Variants in GBP1 observed in about 807,000 individuals in gnomAD.
The protein encoded by GBP1 is guanylate binding protein 1, also known as guanylate-binding protein 1.
A neutral mutation model predicts 69.5 loss-of-function variants in GBP1; 64 were observed. The ratio of observed to expected loss-of-function variants is 0.92; its 90% CI spans 0.75 to 1.13. The LOEUF (loss-of-function observed/expected upper bound fraction) is 1.13. Among genes scored for constraint, GBP1 ranks in the 50% most tolerant of loss-of-function variants. The pLI, the probability that GBP1 is intolerant of heterozygous loss-of-function variation, is 0.00. For missense variants in GBP1, 630 were observed against 704.1 expected (o/e 0.89, Z 1.19); for synonymous variants, 250 against 261.2 (o/e 0.96, Z 0.41).
Position 89,063,237 on chromosome 1 carries a change from C to A in GBP1, c.-3G>T. The A allele has an allele frequency of 6.2e-7, 1 of 1,613,476 alleles. No homozygotes were observed. ...GTCATGTGGATCTCTGATGCCATGT[C>A]CAGGCTGTTCCCTTGTCTGCAAGAG... On this transcript the variant is annotated 5_prime_UTR_variant, in exon 2 of 11. Coordinates refer to ENST00000370473, the MANE Select transcript of GBP1 (RefSeq NM_002053.3).
chr1:89,056,923 T>C lies in GBP1; in HGVS notation c.1086A>G (p.Arg362=), dbSNP rs145278175. 1.0e-4 allele frequency: 162 copies of C among 1,614,260 alleles called. No homozygotes were observed. In the East Asian group the frequency reaches 2.3e-3, roughly 23 times the overall value. ...TCCTGATGAAGACTTCAATGGCCTC[T>C]CTCTCACTGTCCCTGTGCAGGTCCA... ...ELLDLHRDSE[R]EAIEVFIRSS... The change falls in exon 7 of 11, where the codon AGA becomes AGG. Residue 362 remains arginine (R), a synonymous_variant. Coordinates refer to ENST00000370473, the MANE Select transcript of GBP1 (RefSeq NM_002053.3).
In GBP1 at chr1:89,053,599, T is replaced by C. The variant is rs532016909; in HGVS notation, c.1666-131A>G. On this transcript the variant is annotated intron_variant, in intron 10 of 10. Coordinates refer to ENST00000370473, the MANE Select transcript of GBP1 (RefSeq NM_002053.3). Reference sequence around the variant, plus strand: ...CACGCAAGACGTAAATGTCATACTTTGGCCTATCATTGACCAAAGCACAGC... The same window carrying C: ...CACGCAAGACGTAAATGTCATACTTCGGCCTATCATTGACCAAAGCACAGC... 4.3e-6 allele frequency: 6 copies of C among 1,407,562 alleles called. No individual in the cohort carries two copies. In the Admixed American group the frequency reaches 1.4e-4, roughly 32 times the overall value. The allele number at this position is 1,407,562 out of a possible 1,614,324, so 87.2% of individuals were successfully genotyped here.
rs1039835070 is a variant in GBP1, at chr1:89,058,875, A to C, written c.597T>G (p.Asp199Glu). Residue 199 changes from aspartate (D) to glutamate (E), a missense_variant, in exon 5 of 11, where the codon GAT (aspartate) becomes GAG (glutamate). Physicochemically the swap from Asp to Glu is conservative, Grantham distance 45. Transcript: ENST00000370473. ...LEADGQPLTP[D>E]EYLTYSLKLK... ...GCTTCAGGGAGTATGTCAGGTACTC[A>C]TCTGGTGTGAGGGGTTGTCCATCTG... The C allele has an allele frequency of 3.7e-6, 6 of 1,614,068 alleles. No individual in the cohort carries two copies. In the African/African-American group the frequency reaches 8.0e-5, roughly 22 times the overall value.
At chr1:89,053,897 C>A (rs1024202581) in intron 10 of GBP1, among the ~76,000 whole-genome samples, 2 of 152,144 alleles carry the variant, frequency 1.3e-5, no homozygotes, top group Non-Finnish European at 2.9e-5. Flanking sequence ...GGGTTAGGAG[C>A]CTTTCTGCTC....
chr1:89,059,898 T>C (rs1352555967), intron 3 of GBP1, among the ~76,000 whole-genome samples: 1 of 152,236 alleles, frequency 6.6e-6, no homozygotes, highest in Admixed American at 6.5e-5. Flanking sequence ...ATAGGTCTTT[T>C]CCATACATTT....
At chr1:89,055,382 C>A in intron 8 of GBP1, 167 bp from the exon 9 acceptor site, 1 of 1,148,212 alleles carries the variant, frequency 8.7e-7, no homozygotes, top group Non-Finnish European at 1.2e-6. Context: ...CCTGGCAAGC[C>A]GATCAGAACA....
intron 2 of GBP1, among the ~76,000 whole-genome samples, chr1:89,061,563 A>G (rs796467503): frequency 1.5e-4 from 23 of 152,294 alleles, no homozygotes; most frequent in African/African-American, 5.5e-4. Context: ...TGTAGAAGAA[A>G]ATAAAGGGTA....
At chr1:89,057,761 A>T (rs1445372526) in intron 6 of GBP1, among the ~76,000 whole-genome samples, 2 of 152,216 alleles carry the variant, frequency 1.3e-5, no homozygotes, top group Admixed American at 6.5e-5. Context: ...TCTATTGCAT[A>T]GTGCAGGTCC....
chr1:89,059,656 T>C (rs1680135178), intron 3 of GBP1, among the ~76,000 whole-genome samples: 1 of 151,886 alleles, frequency 6.6e-6, no homozygotes, highest in Non-Finnish European at 1.5e-5. Context: ...TTACCATGAT[T>C]CTTACTAGGT....
Position 89,059,893 on chromosome 1 carries a change from T to C in GBP1, c.318+304A>G, listed in dbSNP as rs114575965. On this transcript the variant is annotated intron_variant, in intron 3 of 10. Coordinates refer to ENST00000370473, the MANE Select transcript of GBP1 (RefSeq NM_002053.3). ...AATAATACTATATGGCCAACATAGGTCTTTTCCATACATTTTAAAGATTAG... is the reference window on the plus strand; with the variant it reads ...AATAATACTATATGGCCAACATAGGCCTTTTCCATACATTTTAAAGATTAG... Among the ~76,000 whole-genome samples the C allele has an allele frequency of 9.6e-3, 1,462 of 152,322 alleles. 16 individuals are homozygous for C. The highest frequency in any genetic ancestry group is 0.032 in the African/African-American group (1,334 of 41,556).
Position 89,056,922 on chromosome 1 carries a change from C to G in GBP1, c.1087G>C (p.Glu363Gln). The G allele has an allele frequency of 6.2e-7, 1 of 1,614,246 alleles. No homozygotes were observed. The highest frequency in any genetic ancestry group is 8.5e-7 in the Non-Finnish European group (1 of 1,180,048). ...CTCCTGATGAAGACTTCAATGGCCT[C>G]TCTCTCACTGTCCCTGTGCAGGTCC... Reference protein sequence around the residue: ...LLDLHRDSEREAIEVFIRSSF... With the variant: ...LLDLHRDSERQAIEVFIRSSF... The change falls in exon 7 of 11, where the codon GAG becomes CAG. Residue 363 changes from glutamate to glutamine, a missense_variant. Coordinates refer to ENST00000370473, the MANE Select transcript of GBP1 (RefSeq NM_002053.3).
intron 6 of GBP1, 43 bp downstream of exon 6, chr1:89,057,949 C>T: frequency 6.4e-7 from 1 of 1,570,342 alleles, no homozygotes. Context: ...CTATGCTCCT[C>T]TAGTCTTAAA....
chr1:89,053,599 T>G (rs532016909), intron 10 of GBP1, 131 bp from the exon 11 acceptor site: 3 of 1,407,562 alleles, frequency 2.1e-6, no homozygotes, highest in South Asian at 2.9e-5. Context: ...TGTCATACTT[T>G]GGCCTATCAT....
In GBP1 at chr1:89,056,845, A is replaced by C; in HGVS notation, c.1155+9T>G. 1 of 1,612,940 alleles carries C rather than the reference A, an allele frequency of 6.2e-7. No individual in the cohort carries two copies. The highest frequency in any genetic ancestry group is 1.3e-5 in the African/African-American group (1 of 74,966). ...ACCCTAAACCGTATACATTTGAGAC[A>C]AAAATTACCGCTAACTCCTTTTGAA... is the stretch of plus-strand genomic sequence containing the variant. On this transcript the variant is annotated intron_variant, in intron 7 of 10. Transcript: ENST00000370473.
chr1:89,059,216 C>T (rs1423622632), intron 4 of GBP1, 101 bp downstream of exon 4: 1 of 1,611,274 alleles, frequency 6.2e-7, no homozygotes, highest in Non-Finnish European at 8.5e-7. Flanking sequence ...TTTGTTTTCT[C>T]CTTTTGAGCT....
At chr1:89,059,538 T>A in intron 3 of GBP1, 112 bp from the exon 4 acceptor site, 9 of 318,348 alleles carry the variant, frequency 2.8e-5, no homozygotes, top group East Asian at 1.2e-4. Flanking sequence ...TTTCTTTTCT[T>A]TTTTTTTTTT....
At chr1:89,054,648 AAAACAG>A (rs1553180771) in intron 10 of GBP1, 28 bp downstream of exon 10, 3 of 413,936 alleles carry the variant, frequency 7.2e-6, no homozygotes, top group East Asian at 5.2e-5. Context: ...AGAAAACAGA[AAAACAG>A]AAACCTCAAG....
At chr1:89,056,474 C>G (rs1158354708) in intron 7 of GBP1, among the ~76,000 whole-genome samples, 3 of 152,104 alleles carry the variant, frequency 2.0e-5, no homozygotes, top group African/African-American at 7.2e-5. Flanking sequence ...TCTGTTTTTG[C>G]ATATTGGACT....
rs141797873 is a variant in GBP1, at chr1:89,060,570, T to G, written c.191-246A>C. Among the ~76,000 whole-genome samples, 596 of 152,272 alleles carry G rather than the reference T, an allele frequency of 3.9e-3. 9 individuals carry two copies. Among genetic ancestry groups the G allele is most frequent in the African/African-American group, 0.014 (567 of 41,562 alleles). ...AAAGACAGCACCTCAACATAATAAATGCCATGTATTAAAAACCCACAGCTA... is the reference window on the plus strand; with the variant it reads ...AAAGACAGCACCTCAACATAATAAAGGCCATGTATTAAAAACCCACAGCTA... On this transcript the variant is annotated intron_variant, in intron 2 of 10. Transcript: ENST00000370473.
Sources: allele counts gnomAD v4.1 joint callset (sites outside exome capture counted in the v4.1 genomes callset), GRCh38; gene constraint gnomAD v4.1.1; transcripts MANE v1.5; gene names NCBI Gene and HGNC (gene_info 2026-07-23, HGNC 2026-07-21).